Variants in SENP7 observed in about 807,000 individuals in gnomAD.
The protein encoded by SENP7 is SUMO specific peptidase 7.
Under a neutral mutation model 141.2 loss-of-function variants are expected in SENP7, and 64 were observed. That is an observed-to-expected ratio of 0.45 (90% CI 0.37 to 0.56). The LOEUF (loss-of-function observed/expected upper bound fraction) is 0.56, where lower values mean the gene tolerates loss of function less well. SENP7 is among the 20% of genes least tolerant of loss of function. The pLI, the probability that SENP7 is intolerant of heterozygous loss-of-function variation, is 0.00. For synonymous variants in SENP7, 382 were observed against 426.4 expected, an observed-to-expected ratio of 0.90 and a Z score of 1.28; for missense variants, 1,025 against 1,212.2, an observed-to-expected ratio of 0.85 and a Z score of 2.29.
intron 5 of SENP7, chr3:101,414,767 C>G: frequency 1.7e-6 from 1 of 583,750 alleles, no homozygotes; most frequent in Non-Finnish European, 3.0e-6. Flanking sequence ...GCATATGTCA[C>G]TTGCCTCTAG....
chr3:101,457,402 G>T, intron 4 of SENP7: 1 of 1,498,644 alleles, frequency 6.7e-7, no homozygotes, highest in Non-Finnish European at 9.3e-7. Flanking sequence ...TCTACACCAA[G>T]CTGGTTTAAG....
intron 5 of SENP7, among the ~76,000 whole-genome samples, chr3:101,412,185 T>C (rs2061475247): frequency 6.6e-6 from 1 of 152,144 alleles, no homozygotes; most frequent in African/African-American, 2.4e-5. Flanking sequence ...TTAATAAATC[T>C]ATAATGAGCC....
chr3:101,444,839 A>G (rs903524318), intron 4 of SENP7, among the ~76,000 whole-genome samples: 1 of 152,072 alleles, frequency 6.6e-6, no homozygotes, highest in Admixed American at 6.6e-5. Context: ...ACACGTATAC[A>G]TATGTAACTA....
At chr3:101,368,620 A>G (rs1052411227) in intron 7 of SENP7, among the ~76,000 whole-genome samples, 1 of 150,620 alleles carries the variant, frequency 6.6e-6, no homozygotes, top group Admixed American at 6.6e-5. Flanking sequence ...ATTAGGAGAT[A>G]TACCTAATGT....
At chr3:101,449,514 T>G (rs534580413) in intron 4 of SENP7, among the ~76,000 whole-genome samples, 108 of 152,198 alleles carry the variant, frequency 7.1e-4, no homozygotes, top group Non-Finnish European at 1.2e-3. Context: ...GACTAACAGC[T>G]GATCTCTTGG....
chr3:101,462,497 C>T lies in SENP7; in HGVS notation c.187-3445G>A, dbSNP rs1432306176. On this transcript the variant is annotated intron_variant, in intron 3 of 23. Coordinates refer to ENST00000394095, the MANE Select transcript of SENP7 (RefSeq NM_020654.5). ...TGGAGGCTGGGGTGAGCCGAGATCG[C>T]GCCATTACACTCCAGCCTGGGCAAC... is the stretch of plus-strand genomic sequence containing the variant. 8.1e-5 allele frequency among the ~76,000 whole-genome samples: 12 copies of T among 148,980 alleles called. No individual in the cohort carries two copies. In the South Asian group the frequency reaches 1.3e-3, roughly 16 times the overall value.
At chr3:101,443,190 C>A (rs1364374528) in intron 4 of SENP7, among the ~76,000 whole-genome samples, 1 of 152,140 alleles carries the variant, frequency 6.6e-6, no homozygotes, top group Non-Finnish European at 1.5e-5. Flanking sequence ...TTCCCAGCAC[C>A]ATTTATTAAA....
At chr3:101,428,721 C>T (rs2062049215) in intron 4 of SENP7, among the ~76,000 whole-genome samples, 2 of 152,120 alleles carry the variant, frequency 1.3e-5, no homozygotes, top group Non-Finnish European at 2.9e-5. Flanking sequence ...TCAATTTTGG[C>T]TTTTGTTGCC....
chr3:101,501,965 A>G (rs1373745055), intron 1 of SENP7, among the ~76,000 whole-genome samples: 1 of 152,226 alleles, frequency 6.6e-6, no homozygotes, highest in African/African-American at 2.4e-5. Flanking sequence ...ACCTCACACC[A>G]TACACAAAAT....
intron 4 of SENP7, among the ~76,000 whole-genome samples, chr3:101,444,144 C>T (rs554020791): frequency 7.5e-6 from 1 of 133,468 alleles, no homozygotes; most frequent in East Asian, 2.3e-4. Flanking sequence ...TGAAAAAATG[C>T]TCATCATCAC....
Position 101,348,022 on chromosome 3 carries a change from C to T in SENP7, c.1687G>A (p.Asp563Asn). Residue 563 changes from aspartate (D) to asparagine (N), a missense_variant, in exon 13 of 24, where the codon GAT (aspartate) becomes AAT (asparagine). Physicochemically the swap from Asp to Asn is conservative, Grantham distance 23 (BLOSUM62 1). Coordinates refer to ENST00000394095, the MANE Select transcript of SENP7 (RefSeq NM_020654.5). ...CCAAACCGCTTTAAATGTGTGGTAT[C>T]CACTAGCAATGAAATCTCATTCAGG... ...VSLNEISLLV[D>N]TTHLKRFGLW... 1 of 1,596,946 alleles carries T rather than the reference C, an allele frequency of 6.3e-7. No homozygotes were observed. The highest frequency in any genetic ancestry group is 8.5e-7 in the Non-Finnish European group (1 of 1,173,678).
At chr3:101,366,795 T>C (rs368169996) in intron 8 of SENP7, 26 bp from the exon 9 acceptor site, 76 of 1,480,574 alleles carry the variant, frequency 5.1e-5, no homozygotes, top group Non-Finnish European at 6.5e-5. Flanking sequence ...TAGAAAAAAA[T>C]AGCATTTTTC....
At chr3:101,476,425 G>A (rs1402340034) in intron 3 of SENP7, among the ~76,000 whole-genome samples, 1 of 152,090 alleles carries the variant, frequency 6.6e-6, no homozygotes, top group Non-Finnish European at 1.5e-5. Context: ...CAAAGGACAT[G>A]AACTCATTCT....
intron 2 of SENP7, among the ~76,000 whole-genome samples, chr3:101,498,738 G>A (rs113036951): frequency 0.011 from 1,706 of 152,310 alleles, 30 homozygotes; most frequent in African/African-American, 0.039. Flanking sequence ...AACACAGCAG[G>A]AGGCGAGCAG....
At chr3:101,504,420 T>C (rs193299768) in intron 1 of SENP7, among the ~76,000 whole-genome samples, 1 of 149,226 alleles carries the variant, frequency 6.7e-6, no homozygotes, top group African/African-American at 2.5e-5. Flanking sequence ...GATCACACCA[T>C]TGCACTCCAT....
chr3:101,430,418 G>A (rs1576325754), intron 4 of SENP7, among the ~76,000 whole-genome samples: 1 of 152,236 alleles, frequency 6.6e-6, no homozygotes, highest in East Asian at 1.9e-4. Flanking sequence ...AATCTTAGGA[G>A]GGTATATTTG....
rs143772170 is a variant in SENP7 at position 101,382,863 on chromosome 3, T to C, written c.678-10737A>G. ...TGCAAAATAAACTAAAAGTCTTCTATATCAAAGATACTATAAAGAAAGTGT... is the reference window on the plus strand; with the variant it reads ...TGCAAAATAAACTAAAAGTCTTCTACATCAAAGATACTATAAAGAAAGTGT... On this transcript the variant is annotated intron_variant, in intron 6 of 23. Transcript: ENST00000394095. Among the ~76,000 whole-genome samples the C allele has an allele frequency of 9.6e-3, 1,457 of 152,296 alleles. 23 individuals are homozygous for C. Among genetic ancestry groups the C allele is most frequent in the African/African-American group, 0.033 (1,382 of 41,552 alleles).
At chr3:101,491,581 C>A (rs1308207822) in intron 3 of SENP7, among the ~76,000 whole-genome samples, 2 of 152,078 alleles carry the variant, frequency 1.3e-5, no homozygotes, top group African/African-American at 4.8e-5. Flanking sequence ...TCTACACAGC[C>A]CAAATTTTCT....
intron 4 of SENP7, among the ~76,000 whole-genome samples, chr3:101,429,337 T>C (rs996902776): frequency 1.3e-5 from 2 of 152,314 alleles, no homozygotes; most frequent in East Asian, 1.9e-4. Flanking sequence ...ATGGAATGTT[T>C]TTCCATTTGT....
Sources: allele counts gnomAD v4.1 joint callset (sites outside exome capture counted in the v4.1 genomes callset), GRCh38; gene constraint gnomAD v4.1.1; transcripts MANE v1.5; gene names NCBI Gene and HGNC (gene_info 2026-07-23, HGNC 2026-07-21).